The following CSMD1 variants were observed in gnomAD, a reference collection of about 807,000 sequenced individuals.
CSMD1 encodes CUB and sushi domain-containing protein 1.
CSMD1 carries 213 observed loss-of-function variants against 417.5 expected under a neutral mutation model. The ratio of observed to expected loss-of-function variants is 0.51; its 90% CI spans 0.46 to 0.57. The LOEUF (loss-of-function observed/expected upper bound fraction) is 0.57, where lower values mean the gene tolerates loss of function less well. Ranked by LOEUF, CSMD1 falls within the 20% of genes least tolerant of loss-of-function variation. CSMD1 has a pLI of 0.00. For synonymous variants in CSMD1, 2,862 were observed against 1,736.8 expected (o/e 1.65, Z -16.11); for missense variants, 6,923 against 4,529.7 (o/e 1.53, Z -15.17).
chr8:4,819,032 T>C (rs1563487302), intron 1 of CSMD1, among the ~76,000 whole-genome samples: 2 of 152,180 alleles, frequency 1.3e-5, no homozygotes, highest in Middle Eastern at 3.4e-3. Flanking sequence ...GAGGAATAAA[T>C]GGCTTGGAAG....
In CSMD1 at chr8:4,791,189, G is replaced by A. The variant is rs544000165; in HGVS notation, c.86-153631C>T. ...GATAAGCCAAGAAAACAGACCACTG[G>A]TCTTGAGAGGAGAGGTGCGTGGAAG... On this transcript the variant is annotated intron_variant, in intron 1 of 69. Transcript: ENST00000635120. Among the ~76,000 whole-genome samples, 8 of 152,234 alleles carry A rather than the reference G, an allele frequency of 5.3e-5. No individual in the cohort carries two copies. In the East Asian group the frequency reaches 1.6e-3, roughly 30 times the overall value.
At chr8:4,524,896 A>G (rs562432961) in intron 2 of CSMD1, among the ~76,000 whole-genome samples, 5 of 152,328 alleles carry the variant, frequency 3.3e-5, no homozygotes, top group African/African-American at 4.8e-5. Context: ...AAGTATTCTT[A>G]AAAAGTAAAA....
At chr8:3,741,936 C>T (rs1796826857) in intron 6 of CSMD1, among the ~76,000 whole-genome samples, 1 of 152,030 alleles carries the variant, frequency 6.6e-6, no homozygotes, top group Non-Finnish European at 1.5e-5. Context: ...TAATTATTTC[C>T]CACAAATGGC....
chr8:3,493,374 A>AT (rs1051580208), intron 11 of CSMD1, among the ~76,000 whole-genome samples: 3 of 151,828 alleles, frequency 2.0e-5, no homozygotes, highest in Admixed American at 6.6e-5. Context: ...GAGTATACTA[A>AT]TTTTTTGCCA....
Position 3,796,270 on chromosome 8 carries a change from T to TATCTATCATGTATAG in CSMD1, c.819-42229_819-42228insCTATACATGATAGAT, listed in dbSNP as rs1259167760. On this transcript the variant is annotated intron_variant, in intron 5 of 69. Transcript: ENST00000635120. ...TATATCTATCATGTATAGATATAGATATATATCTATCATGTATAGATATAT... is the reference window on the plus strand; with the variant it reads ...TATATCTATCATGTATAGATATAGATATCTATCATGTATAGATATATCTATCATGTATAGATATAT... 1.4e-3 allele frequency among the ~76,000 whole-genome samples: 41 copies of TATCTATCATGTATAG among 28,674 alleles called. 13 individuals carry two copies. Among genetic ancestry groups the TATCTATCATGTATAG allele is most frequent in the African/African-American group, 0.01 (36 of 3,456 alleles). The allele number at this position is 28,674 out of a possible 152,430, so 18.8% of individuals were successfully genotyped here.
intron 12 of CSMD1, among the ~76,000 whole-genome samples, chr8:3,417,881 T>C (rs1236495039): frequency 6.6e-6 from 1 of 152,222 alleles, no homozygotes; most frequent in Admixed American, 6.5e-5. Flanking sequence ...ACGTGGCACA[T>C]GCTCCCGGCA....
chr8:3,527,563 G>C (rs554051404), intron 10 of CSMD1, among the ~76,000 whole-genome samples: 1 of 152,206 alleles, frequency 6.6e-6, no homozygotes, highest in East Asian at 1.9e-4. Flanking sequence ...ATTGATACCT[G>C]TGATAAAATC....
chr8:3,002,330 G>A (rs1219346653), intron 52 of CSMD1, among the ~76,000 whole-genome samples: 1 of 152,194 alleles, frequency 6.6e-6, no homozygotes, highest in African/African-American at 2.4e-5. Flanking sequence ...TGTCGTGCAT[G>A]GGGGAGATGG....
At chr8:3,104,631 C>T (rs1055796994) in intron 46 of CSMD1, among the ~76,000 whole-genome samples, 18 of 151,890 alleles carry the variant, frequency 1.2e-4, no homozygotes, top group Non-Finnish European at 2.2e-4. Flanking sequence ...AAGACTGTTT[C>T]TCTCTTTCAG....
At chr8:4,645,152 T>G (rs1173200622) in intron 1 of CSMD1, among the ~76,000 whole-genome samples, 1 of 152,100 alleles carries the variant, frequency 6.6e-6, no homozygotes, top group African/African-American at 2.4e-5. Context: ...GGAAGCTAAT[T>G]TTTCTCCTAC....
chr8:4,350,235 A>G (rs1801014310), intron 3 of CSMD1, among the ~76,000 whole-genome samples: 2 of 152,134 alleles, frequency 1.3e-5, no homozygotes, highest in African/African-American at 4.8e-5. Context: ...ACCTGCCTGA[A>G]GCCTAAGTCT....
At chr8:4,752,798 T>C (rs1184359177) in intron 1 of CSMD1, among the ~76,000 whole-genome samples, 2 of 152,070 alleles carry the variant, frequency 1.3e-5, no homozygotes, top group Non-Finnish European at 2.9e-5. Flanking sequence ...AGAGAAGGCA[T>C]CAGTACCTGG....
chr8:4,177,849 C>A (rs370507603), intron 3 of CSMD1, among the ~76,000 whole-genome samples: 3 of 151,452 alleles, frequency 2.0e-5, no homozygotes, highest in East Asian at 1.9e-4. Flanking sequence ...ATAAATTCCT[C>A]GACACATACA....
intron 5 of CSMD1, among the ~76,000 whole-genome samples, chr8:3,811,703 T>C (rs1801095585): frequency 6.6e-6 from 1 of 152,036 alleles, no homozygotes; most frequent in Non-Finnish European, 1.5e-5. Context: ...TTTGTTTTTG[T>C]AGGAAAATTG....
chr8:4,595,597 C>T (rs1412481727), intron 2 of CSMD1, among the ~76,000 whole-genome samples: 1 of 152,066 alleles, frequency 6.6e-6, no homozygotes, highest in Non-Finnish European at 1.5e-5. Flanking sequence ...ATGTCCCTTT[C>T]CTTACTTAAG....
At chr8:4,457,845 T>A (rs1374197056) in intron 2 of CSMD1, among the ~76,000 whole-genome samples, 1 of 152,064 alleles carries the variant, frequency 6.6e-6, no homozygotes, top group East Asian at 1.9e-4. Flanking sequence ...TGCAGTGACT[T>A]CCGAGGCTTG....
chr8:4,712,838 A>G (rs890935263), intron 1 of CSMD1, among the ~76,000 whole-genome samples: 4 of 152,168 alleles, frequency 2.6e-5, no homozygotes, highest in African/African-American at 7.2e-5. Flanking sequence ...TTTCTATTTC[A>G]GAGAGGTCTA....
At chr8:4,973,033 T>C (rs895606091) in intron 1 of CSMD1, among the ~76,000 whole-genome samples, 1 of 152,180 alleles carries the variant, frequency 6.6e-6, no homozygotes, top group Non-Finnish European at 1.5e-5. Flanking sequence ...TTTTAAAAGA[T>C]GTAGTAAAGA....
chr8:3,444,474 A>G (rs1815177863), intron 12 of CSMD1, among the ~76,000 whole-genome samples: 1 of 152,218 alleles, frequency 6.6e-6, no homozygotes, highest in Non-Finnish European at 1.5e-5. Flanking sequence ...GTAGTGCTCA[A>G]CCAGTAGAAC....
Sources: allele counts gnomAD v4.1 joint callset (sites outside exome capture counted in the v4.1 genomes callset), GRCh38; gene constraint gnomAD v4.1.1; transcripts MANE v1.5; gene names NCBI Gene and HGNC (gene_info 2026-07-23, HGNC 2026-07-21).